ATG7: variants seen among roughly 807,000 people sequenced by gnomAD.
ATG7 encodes ubiquitin-like modifier-activating enzyme ATG7.
A neutral mutation model predicts 82.4 loss-of-function variants in ATG7; 70 were observed. The ratio of observed to expected loss-of-function variants is 0.85; its 90% confidence interval spans 0.70 to 1.04. The LOEUF (loss-of-function observed/expected upper bound fraction) is 1.04, where lower values mean the gene tolerates loss of function less well. ATG7 is among the 50% of genes least tolerant of loss of function. ATG7 has a pLI of 0.00. For synonymous variants in ATG7, 287 were observed against 313.0 expected, an observed-to-expected ratio of 0.92 and a Z score of 0.88; for missense variants, 792 against 864.3, an observed-to-expected ratio of 0.92 and a Z score of 1.05.
intron 3 of ATG7, among the ~76,000 whole-genome samples, chr3:11,291,834 G>T (rs940995703): frequency 6.6e-6 from 1 of 152,150 alleles, no homozygotes; most frequent in African/African-American, 2.4e-5. Context: ...ACTTTTCCTG[G>T]TAGAGAGGGG....
chr3:11,351,993 C>A, intron 14 of ATG7, among the ~76,000 whole-genome samples: 1 of 109,766 alleles, frequency 9.1e-6, no homozygotes, highest in African/African-American at 3.5e-5. Flanking sequence ...TAATGCTATC[C>A]CTCCCCCCTC....
At chr3:11,340,510 G>C (rs1400423490) in intron 11 of ATG7, 135 bp from the exon 12 acceptor site, 1 of 716,412 alleles carries the variant, frequency 1.4e-6, no homozygotes, top group South Asian at 1.9e-5. Context: ...GTCTCTTTTA[G>C]AAAGAAGCAA....
chr3:11,494,567 G>A (rs899088653), intron 20 of ATG7, among the ~76,000 whole-genome samples: 1 of 152,222 alleles, frequency 6.6e-6, no homozygotes, highest in African/African-American at 2.4e-5. Context: ...GCAAAGCTAG[G>A]ATTAGGAAGA....
intron 20 of ATG7, among the ~76,000 whole-genome samples, chr3:11,431,913 C>G (rs544865153): frequency 2.6e-5 from 4 of 152,286 alleles, no homozygotes; most frequent in African/African-American, 9.6e-5. Context: ...CTAGAATCAT[C>G]TAGATTTAGT....
At chr3:11,345,584 A>G (rs1456732462) in intron 13 of ATG7, among the ~76,000 whole-genome samples, 1 of 152,038 alleles carries the variant, frequency 6.6e-6, no homozygotes, top group Admixed American at 6.5e-5. Context: ...TCTTCCTTTT[A>G]TCTTTTAAAA....
At chr3:11,499,137 A>G (rs919420725) in intron 20 of ATG7, among the ~76,000 whole-genome samples, 15 of 152,244 alleles carry the variant, frequency 9.9e-5, no homozygotes, top group African/African-American at 3.6e-4. Flanking sequence ...ATAAATTGAA[A>G]GAAAATATAA....
At chr3:11,430,977 C>T (rs1030223511) in intron 20 of ATG7, among the ~76,000 whole-genome samples, 7 of 152,188 alleles carry the variant, frequency 4.6e-5, no homozygotes, top group African/African-American at 1.7e-4. Context: ...ATAAAGGTCT[C>T]CGAGGCCAAG....
chr3:11,400,177 A>G (rs944261059), intron 19 of ATG7, among the ~76,000 whole-genome samples: 1 of 152,114 alleles, frequency 6.6e-6, no homozygotes, highest in African/African-American at 2.4e-5. Flanking sequence ...AAGAATTTCC[A>G]ATTAGTAGAG....
intron 13 of ATG7, among the ~76,000 whole-genome samples, chr3:11,344,116 T>A (rs1954106924): frequency 1.3e-5 from 2 of 151,496 alleles, no homozygotes; most frequent in South Asian, 4.2e-4. Flanking sequence ...ATTACTGGGA[T>A]GTAGGAAAAA....
intron 18 of ATG7, among the ~76,000 whole-genome samples, chr3:11,367,599 C>G (rs2076711884): frequency 1.3e-5 from 2 of 152,148 alleles, no homozygotes; most frequent in Non-Finnish European, 2.9e-5. Context: ...TGTTCTGTCT[C>G]TGGGTCCACA....
At chr3:11,307,625 C>G (rs1947968722) in intron 6 of ATG7, among the ~76,000 whole-genome samples, 2 of 152,196 alleles carry the variant, frequency 1.3e-5, no homozygotes, top group African/African-American at 4.8e-5. Context: ...TTCCTTCTAC[C>G]TACTTTCTGT....
intron 20 of ATG7, among the ~76,000 whole-genome samples, chr3:11,436,262 A>C (rs1308209200): frequency 6.6e-6 from 1 of 152,236 alleles, no homozygotes. Flanking sequence ...ACAAATTGAA[A>C]CTACTGTGAG....
chr3:11,546,092 T>C (rs1167934028), intron 20 of ATG7, among the ~76,000 whole-genome samples: 1 of 149,048 alleles, frequency 6.7e-6, no homozygotes, highest in Non-Finnish European at 1.5e-5. Context: ...GAGTTATAGA[T>C]GGCACCACAC....
Position 11,530,730 on chromosome 3 carries a change from C to G in ATG7, c.2080-24081C>G, listed in dbSNP as rs2092679677. On this transcript the variant is annotated intron_variant, in intron 20 of 20. Transcript: ENST00000693202. ...AAAATGAAGCCTGAGCCTGTAATCC[C>G]AGCACTTTGGGAGGCTGAGTCAGGC... 2.6e-5 allele frequency among the ~76,000 whole-genome samples: 4 copies of G among 152,126 alleles called. No homozygotes were observed. The South Asian group carries it at 8.3e-4, about 32-fold the overall frequency.
rs531038549 is a variant in ATG7 at position 11,327,943 on chromosome 3, C to G, written c.679-3397C>G. 3.8e-4 allele frequency among the ~76,000 whole-genome samples: 58 copies of G among 152,290 alleles called. 2 individuals are homozygous for G. The South Asian group carries it at 0.011, about 29-fold the overall frequency. ...GGATGCATGCTGCTGGGGCATGGAC[C>G]ACATTTTGAGGAGTATGGGAAGATG... is the stretch of plus-strand genomic sequence containing the variant. On this transcript the variant is annotated intron_variant, in intron 9 of 20. Transcript: ENST00000693202.
intron 20 of ATG7, among the ~76,000 whole-genome samples, chr3:11,539,569 C>T (rs2070650803): frequency 6.6e-6 from 1 of 152,234 alleles, no homozygotes; most frequent in Non-Finnish European, 1.5e-5. Flanking sequence ...AGTGGGCCTG[C>T]TGGCGGGGGG....
chr3:11,489,943 T>G (rs2090171215), intron 20 of ATG7, among the ~76,000 whole-genome samples: 2 of 151,940 alleles, frequency 1.3e-5, no homozygotes, highest in South Asian at 4.2e-4. Flanking sequence ...CTGAAAAAAA[T>G]GTATATTCTA....
intron 20 of ATG7, among the ~76,000 whole-genome samples, chr3:11,518,262 CG>C (rs34253168): frequency 0.72 from 109,057 of 152,038 alleles, 40,196 homozygotes; most frequent in East Asian, 0.93. Context: ...AAACCTGAGC[CG>C]AGGCTGGGCA....
intron 9 of ATG7, among the ~76,000 whole-genome samples, chr3:11,330,503 C>G (rs1033344761): frequency 2.0e-5 from 3 of 152,164 alleles, no homozygotes; most frequent in Non-Finnish European, 2.9e-5. Flanking sequence ...TGCCCCAATT[C>G]ATTTGTTTTT....
Sources: allele counts gnomAD v4.1 joint callset (sites outside exome capture counted in the v4.1 genomes callset), GRCh38; gene constraint gnomAD v4.1.1; transcripts MANE v1.5; gene names NCBI Gene and HGNC (gene_info 2026-07-23, HGNC 2026-07-21).